The following GPC6 variants were observed in gnomAD, a reference collection of about 807,000 sequenced individuals.
GPC6 encodes glypican-6.
GPC6 carries 14 observed loss-of-function variants against 55.2 expected under a neutral mutation model. The ratio of observed to expected loss-of-function variants is 0.25; its 90% CI spans 0.17 to 0.40. The LOEUF (loss-of-function observed/expected upper bound fraction) is 0.40. Among genes scored for constraint, GPC6 ranks in the 10% least tolerant of loss-of-function variants. The pLI, the probability that GPC6 is intolerant of heterozygous loss-of-function variation, is 1.00. For missense variants in GPC6, 641 were observed against 708.5 expected (o/e 0.90, Z 1.08); for synonymous variants, 278 against 259.6 (o/e 1.07, Z -0.68).
chr13:94,392,909 G>T (rs1013858281), intron 7 of GPC6, among the ~76,000 whole-genome samples: 1 of 151,266 alleles, frequency 6.6e-6, no homozygotes, highest in Non-Finnish European at 1.5e-5. Context: ...CACTGCACCC[G>T]GCCCTGTTTT....
chr13:93,401,007 C>G (rs2139231856), intron 1 of GPC6, among the ~76,000 whole-genome samples: 3 of 152,256 alleles, frequency 2.0e-5, no homozygotes, highest in Middle Eastern at 6.8e-3. Flanking sequence ...AGAATGCTCT[C>G]ATACACAGCT....
Position 94,050,669 on chromosome 13 carries a change from C to A in GPC6, c.877+22775C>A, listed in dbSNP as rs868725923. ...CACCAGCGCTAAGGTGCCAGGATGG[C>A]CTTCAGAGAGCAACATGATTTTTCT... On this transcript the variant is annotated intron_variant, in intron 4 of 8. Transcript: ENST00000377047. Among the ~76,000 whole-genome samples the A allele has an allele frequency of 2.0e-5, 3 of 152,244 alleles. No individual in the cohort carries two copies. The South Asian group carries it at 6.2e-4, about 32-fold the overall frequency.
intron 2 of GPC6, among the ~76,000 whole-genome samples, chr13:93,689,989 A>AG (rs1882198211): frequency 6.6e-6 from 1 of 152,150 alleles, no homozygotes. Flanking sequence ...ACAGATCTGT[A>AG]GTGATATAGA....
chr13:93,460,693 G>C (rs1317492356), intron 1 of GPC6, among the ~76,000 whole-genome samples: 4 of 152,082 alleles, frequency 2.6e-5, no homozygotes, highest in African/African-American at 9.7e-5. Flanking sequence ...TTCTCTGGAA[G>C]TTTATGGCCA....
chr13:93,812,151 G>T (rs55988011), intron 2 of GPC6, among the ~76,000 whole-genome samples: 3 of 122,878 alleles, frequency 2.4e-5, no homozygotes, highest in African/African-American at 6.3e-5. Flanking sequence ...GTGGGGGGGG[G>T]GGCGGGGGGT....
At chr13:93,525,033 T>G (rs1247024831) in intron 1 of GPC6, among the ~76,000 whole-genome samples, 1 of 152,102 alleles carries the variant, frequency 6.6e-6, no homozygotes, top group African/African-American at 2.4e-5. Context: ...TTGACTCTAA[T>G]GGAAGCTGTA....
chr13:93,223,040 T>C (rs971571131), upstream of GPC6, among the ~76,000 whole-genome samples: 3 of 148,652 alleles, frequency 2.0e-5, no homozygotes, highest in Non-Finnish European at 3.0e-5. Context: ...TTTTTTTTTT[T>C]CAGAAATCTC....
intron 3 of GPC6, among the ~76,000 whole-genome samples, chr13:93,881,501 G>T (rs1874972368): frequency 6.6e-6 from 1 of 152,002 alleles, no homozygotes; most frequent in South Asian, 2.1e-4. Flanking sequence ...CGTTAGGCTT[G>T]ACATTTTTCC....
chr13:93,275,939 ATCTC>A (rs1877718509), intron 1 of GPC6, among the ~76,000 whole-genome samples: 1 of 152,104 alleles, frequency 6.6e-6, no homozygotes, highest in African/African-American at 2.4e-5. Context: ...CGGCGGCGCG[ATCTC>A]GGCTCATGGC....
At chr13:94,143,452 T>C (rs1887453916) in intron 4 of GPC6, among the ~76,000 whole-genome samples, 1 of 152,198 alleles carries the variant, frequency 6.6e-6, no homozygotes, top group African/African-American at 2.4e-5. Context: ...AATATGATAG[T>C]CAAAAATCAT....
At chr13:93,277,591 C>A (rs1594068760) in intron 1 of GPC6, among the ~76,000 whole-genome samples, 2 of 152,268 alleles carry the variant, frequency 1.3e-5, no homozygotes, top group South Asian at 2.1e-4. Flanking sequence ...TTGAAATGCT[C>A]AGAGATTTCT....
chr13:94,077,338 A>G (rs1209204104), intron 4 of GPC6, among the ~76,000 whole-genome samples: 2 of 152,018 alleles, frequency 1.3e-5, no homozygotes, highest in Non-Finnish European at 2.9e-5. Flanking sequence ...GTATTCTGCA[A>G]CTTTACTGAA....
chr13:93,925,573 C>T (rs1223976504), intron 3 of GPC6, among the ~76,000 whole-genome samples: 2 of 152,014 alleles, frequency 1.3e-5, no homozygotes, highest in African/African-American at 2.4e-5. Flanking sequence ...CCACATTTAC[C>T]AGTATTTAGT....
chr13:94,153,898 T>TA (rs1271801589), intron 4 of GPC6, among the ~76,000 whole-genome samples: 1 of 152,126 alleles, frequency 6.6e-6, no homozygotes, highest in Non-Finnish European at 1.5e-5. Flanking sequence ...CTGAGTTGGA[T>TA]ACAACACAAC....
rs112005269 is a variant in GPC6 at position 94,084,255 on chromosome 13, T to A, written c.877+56361T>A. On this transcript the variant is annotated intron_variant, in intron 4 of 8. Transcript: ENST00000377047. ...ATTGCCACTTCTTCCTTTAGAGAGT[T>A]GCATCCAAGGCCAAAAACTGAATCA... Among the ~76,000 whole-genome samples, 992 of 152,338 alleles carry A rather than the reference T, an allele frequency of 6.5e-3. 13 individuals are homozygous for A. Among genetic ancestry groups the A allele is most frequent in the African/African-American group, 0.023 (954 of 41,582 alleles).
At chr13:93,859,547 CTCTTGTAGTAGTTCTA>C (rs1275612074) in intron 3 of GPC6, among the ~76,000 whole-genome samples, 4 of 151,666 alleles carry the variant, frequency 2.6e-5, no homozygotes, top group African/African-American at 4.8e-5. Context: ...ATAAAGATTT[CTCTTGTAGTAGTTCTA>C]TCTTGTAGTA....
rs562988489 is a variant in GPC6 at position 93,828,987 on chromosome 13, C to T, written c.320-1167C>T. On this transcript the variant is annotated intron_variant, in intron 2 of 8. Coordinates refer to ENST00000377047, the MANE Select transcript of GPC6 (RefSeq NM_005708.5). ...CTTTCTGTATCTTAGCAGAGAATACCCAGAACCCCAGAAAGGAGAAGAGTC... is the reference window on the plus strand; with the variant it reads ...CTTTCTGTATCTTAGCAGAGAATACTCAGAACCCCAGAAAGGAGAAGAGTC... Among the ~76,000 whole-genome samples the T allele has an allele frequency of 2.6e-5, 4 of 151,980 alleles. No homozygotes were observed. In the East Asian group the frequency reaches 7.7e-4, roughly 29 times the overall value.
At chr13:93,995,367 T>C (rs1881497069) in intron 3 of GPC6, among the ~76,000 whole-genome samples, 1 of 152,014 alleles carries the variant, frequency 6.6e-6, no homozygotes, top group Non-Finnish European at 1.5e-5. Flanking sequence ...TTTGTATTTT[T>C]AGTAGATACA....
intron 1 of GPC6, among the ~76,000 whole-genome samples, chr13:93,426,223 TTTTTATTTTA>T (rs71123484): frequency 1.1e-5 from 1 of 87,416 alleles, no homozygotes; most frequent in Non-Finnish European, 2.6e-5. Flanking sequence ...GGTAAAAGTG[TTTTTATTTTA>T]TTTTATTTTA....
Sources: allele counts gnomAD v4.1 joint callset (sites outside exome capture counted in the v4.1 genomes callset), GRCh38; gene constraint gnomAD v4.1.1; transcripts MANE v1.5; gene names NCBI Gene and HGNC (gene_info 2026-07-23, HGNC 2026-07-21).